The following RSL24D1 variants were observed in gnomAD, a reference collection of about 807,000 sequenced individuals.
RSL24D1 encodes the protein probable ribosome biogenesis protein RLP24.
Under a neutral mutation model 26.2 loss-of-function variants are expected in RSL24D1, and 6 were observed. That is an observed-to-expected ratio of 0.23 (90% CI 0.13 to 0.45). The LOEUF (loss-of-function observed/expected upper bound fraction) is 0.45. RSL24D1 is among the 20% of genes least tolerant of loss of function. RSL24D1 has a pLI of 0.99. For synonymous variants in RSL24D1, 61 were observed against 59.1 expected (o/e 1.03, Z -0.15); for missense variants, 176 against 202.6 (o/e 0.87, Z 0.80).
At chr15:55,185,470 G>A (rs373477496) in intron 3 of RSL24D1, 45 bp from the exon 4 acceptor site, 84 of 1,372,896 alleles carry the variant, frequency 6.1e-5, no homozygotes, top group African/African-American at 3.8e-4. Flanking sequence ...ACATTCAAGC[G>A]GTATGATCAA....
intron 1 of RSL24D1, 142 bp downstream of exon 1, chr15:55,196,668 C>A: frequency 1.4e-6 from 1 of 717,036 alleles, no homozygotes; most frequent in Admixed American, 2.5e-5. Flanking sequence ...AGAACGGAGG[C>A]CCAGTTAAGC....
In RSL24D1 at chr15:55,183,381, G is replaced by A. The variant is rs1163125608; in HGVS notation, c.352C>T (p.Leu118=). The A allele has an allele frequency of 4.0e-5, 65 of 1,612,104 alleles. No homozygotes were observed. The highest frequency in any genetic ancestry group is 5.3e-5 in the Non-Finnish European group (63 of 1,179,426). The change falls in exon 5 of 6, where the codon CTA becomes TTA. Residue 118 remains leucine, a synonymous_variant. Transcript: ENST00000260443. ...TCTTTGATATCCTGAACTTTCTGTA[G>A]CTCTTTATTTTTCTTCAATCTACAA... The part of the protein sequence containing the change: ...IMNRLKKNKE[L]QKVQDIKEVK...
intron 5 of RSL24D1, 103 bp from the exon 6 acceptor site, chr15:55,182,328 T>G: frequency 1.4e-6 from 1 of 721,540 alleles, no homozygotes; most frequent in Non-Finnish European, 2.4e-6. Flanking sequence ...CAAGTAATAT[T>G]AGCCACTCCT....
rs990484520 is a variant in RSL24D1 at position 55,181,477 on chromosome 15, A to C, written c.*675T>G. 1.3e-5 allele frequency: 2 copies of C among 152,748 alleles called. No individual in the cohort carries two copies. Among genetic ancestry groups the C allele is most frequent in the African/African-American group, 4.8e-5 (2 of 41,582 alleles). The allele number at this position is 152,748 out of a possible 1,614,324, so 9.5% of individuals were successfully genotyped here. ...TAGATCAATGCTGGGCTAGAAAAGT[A>C]AAGTCTGTTCTATCAGGAATCACAA... is the stretch of plus-strand genomic sequence containing the variant. On this transcript the variant is annotated 3_prime_UTR_variant, in exon 6 of 6. Coordinates refer to ENST00000260443, the MANE Select transcript of RSL24D1 (RefSeq NM_016304.3).
chr15:55,194,803 TACACACACACACACAC>T (rs143219738), intron 1 of RSL24D1, among the ~76,000 whole-genome samples: 2 of 147,010 alleles, frequency 1.4e-5, no homozygotes, highest in Non-Finnish European at 3.0e-5. Flanking sequence ...CCTCTGTCTC[TACACACACACACACAC>T]ACACACACAC....
At chr15:55,186,916 CAAAG>C (rs1016614903) in intron 3 of RSL24D1, among the ~76,000 whole-genome samples, 3 of 151,894 alleles carry the variant, frequency 2.0e-5, no homozygotes, top group African/African-American at 7.3e-5. Flanking sequence ...AGAAGAGAGA[CAAAG>C]AGAAAAAATT....
Position 55,192,832 on chromosome 15 carries a change from A to G in RSL24D1, c.83T>C (p.Val28Ala), listed in dbSNP as rs200023487. ...GMMFVRNDCK[V>A]FRFCKSKCHK... ...ACATTTAGATTTGCAAAATCTGAAC[A>G]CCTACAAGAAAAGTTAAAATATTGA... is the stretch of plus-strand genomic sequence containing the variant. The change falls in exon 2 of 6, where the codon GTG becomes GCG. Residue 28 changes from valine to alanine, a missense_variant and splice_region_variant. By Grantham distance (64) the Val-to-Ala change is moderately conservative. This residue lies in a region of RSL24D1 where 89 missense variants were observed against 135.1 expected (regional missense o/e 0.66). Transcript: ENST00000260443. The G allele has an allele frequency of 1.0e-4, 164 of 1,598,166 alleles. No individual in the cohort carries two copies. In the East Asian group the frequency reaches 2.8e-3, roughly 28 times the overall value.
At chr15:55,182,822 A>C (rs528291874) in intron 5 of RSL24D1, among the ~76,000 whole-genome samples, 1 of 152,330 alleles carries the variant, frequency 6.6e-6, no homozygotes, top group East Asian at 1.9e-4. Context: ...TGATCTACAT[A>C]AGTAAATTGC....
intron 1 of RSL24D1, among the ~76,000 whole-genome samples, chr15:55,193,218 G>A (rs1399013278): frequency 2.0e-5 from 3 of 152,126 alleles, no homozygotes; most frequent in Non-Finnish European, 4.4e-5. Flanking sequence ...TCTCCTTTGG[G>A]TCTTTCCATC....
intron 3 of RSL24D1, among the ~76,000 whole-genome samples, chr15:55,190,309 G>C (rs912333482): frequency 1.3e-5 from 2 of 148,296 alleles, no homozygotes; most frequent in South Asian, 2.1e-4. Context: ...CACAAATGTG[G>C]TAGAATCTAC....
At chr15:55,194,637 G>C (rs1894334679) in intron 1 of RSL24D1, among the ~76,000 whole-genome samples, 1 of 152,122 alleles carries the variant, frequency 6.6e-6, no homozygotes, top group African/African-American at 2.4e-5. Context: ...TTCCCTGTTT[G>C]CAAAGTATGT....
rs1218707788 is a variant in RSL24D1 at position 55,196,865 on chromosome 15, C to A, written c.26G>T (p.Cys9Phe). Residue 9 changes from cysteine (C) to phenylalanine (F), a missense_variant, in exon 1 of 6, where the codon TGT becomes TTT. By Grantham distance (205) the Cys-to-Phe change is radical. Transcript: ENST00000260443. MRIEKCYF[C>F]SGPIYPGHGM... ...GTGTCCAGGATAGATGGGCCCCGAACAGAAATAACACTTTTCGATACGCAT... is the reference window on the plus strand; with the variant it reads ...GTGTCCAGGATAGATGGGCCCCGAAAAGAAATAACACTTTTCGATACGCAT... The A allele has an allele frequency of 3.7e-6, 6 of 1,614,194 alleles. No homozygotes were observed. The highest frequency in any genetic ancestry group is 5.1e-6 in the Non-Finnish European group (6 of 1,180,044).
Position 55,183,414 on chromosome 15 carries a change from T to C in RSL24D1, c.333-14A>G. 6.3e-7 allele frequency: 1 copy of C among 1,598,718 alleles called. No homozygotes were observed. On this transcript the variant is annotated splice_polypyrimidine_tract_variant and intron_variant, in intron 4 of 5. Coordinates refer to ENST00000260443, the MANE Select transcript of RSL24D1 (RefSeq NM_016304.3). ...TTTTTCTTCAATCTACAACAAAACA[T>C]ATTAAAGCCAAAATTTCAGTTACTA...
At chr15:55,192,620 T>C (rs749789268) in intron 2 of RSL24D1, 100 bp downstream of exon 2, 1 of 763,398 alleles carries the variant, frequency 1.3e-6, no homozygotes, top group Admixed American at 2.1e-5. Context: ...ATTAATCATG[T>C]TATAGGAGGC....
chr15:55,191,123 C>T (rs377056955), intron 2 of RSL24D1, 76 bp from the exon 3 acceptor site: 10 of 1,020,584 alleles, frequency 9.8e-6, no homozygotes, highest in African/African-American at 3.3e-5. Context: ...AAACGTCTTC[C>T]TTTTCCTAAG....
At chr15:55,190,249 CAAAAAAAA>C (rs57254193) in intron 3 of RSL24D1, among the ~76,000 whole-genome samples, 4 of 34,470 alleles carry the variant, frequency 1.2e-4, no homozygotes, top group African/African-American at 4.5e-4. Context: ...CTTTCCAACT[CAAAAAAAA>C]AAAAAAAAAA....
chr15:55,193,834 A>G (rs1238500233), intron 1 of RSL24D1, among the ~76,000 whole-genome samples: 7 of 152,188 alleles, frequency 4.6e-5, no homozygotes, highest in East Asian at 1.9e-4. Context: ...AAGCATGTCT[A>G]TATCCTTGAG....
rs1461274454 is a variant in RSL24D1 at position 55,180,824 on chromosome 15, T to C, written c.*1328A>G. ...TAAAACGTAACTTTCAAAATGTTTA[T>C]TTCTTTAAAAAATGAATACGGTATG... On this transcript the variant is annotated 3_prime_UTR_variant, in exon 6 of 6. Transcript: ENST00000260443. 3.9e-5 allele frequency: 6 copies of C among 152,180 alleles called. No individual in the cohort carries two copies. The highest frequency in any genetic ancestry group is 1.2e-4 in the African/African-American group (5 of 41,438). The allele number at this position is 152,180 out of a possible 1,614,324, so 9.4% of individuals were successfully genotyped here. A position where few individuals can be genotyped will look rare whatever the true frequency, so the allele number is the denominator to read the frequency against.
At chr15:55,184,465 A>C (rs1299455869) in intron 4 of RSL24D1, among the ~76,000 whole-genome samples, 2 of 152,242 alleles carry the variant, frequency 1.3e-5, no homozygotes, top group Admixed American at 1.3e-4. Flanking sequence ...GCTCTTTCTT[A>C]CATGAGAAAA....
Sources: gnomAD v4.1 joint callset for allele counts (sites outside exome capture counted in the v4.1 genomes callset) on GRCh38, gnomAD v4.1.1 for gene constraint, gnomAD v4.1.1 regional missense constraint, MANE v1.5 for transcripts, NCBI Gene and HGNC (gene_info 2026-07-23, HGNC 2026-07-21) for gene names.